CADPS: variants seen among roughly 807,000 people sequenced by gnomAD.
CADPS encodes the protein calcium dependent secretion activator.
CADPS carries 57 observed loss-of-function variants against 167.3 expected under a neutral mutation model. The ratio of observed to expected loss-of-function variants is 0.34; its 90% CI spans 0.28 to 0.42. The LOEUF (loss-of-function observed/expected upper bound fraction) is 0.42, where lower values mean the gene tolerates loss of function less well. CADPS is among the 20% of genes least tolerant of loss of function. The probability of loss-of-function intolerance (pLI) is 1.00; values close to 1 mark genes in which losing one functional copy is unlikely to be tolerated. For missense variants in CADPS, 1,414 were observed against 1,738.1 expected (o/e 0.81, Z 3.32); for synonymous variants, 676 against 635.3 (o/e 1.06, Z -0.96).
chr3:62,549,089 A>T (rs2076929771), intron 11 of CADPS, among the ~76,000 whole-genome samples: 2 of 152,240 alleles, frequency 1.3e-5, no homozygotes, highest in Admixed American at 6.5e-5. Context: ...TTATTGCTAA[A>T]AATGACTTGT....
In CADPS at chr3:62,481,636, T is replaced by C. The variant is rs1339470392; in HGVS notation, c.3173+87A>G. On this transcript the variant is annotated intron_variant, in intron 22 of 29. Transcript: ENST00000383710. ...TCTAATTATCCATCTCCATCTCTGT[T>C]ATATAGGATGTATAGAAATAAACAA... 4.1e-6 allele frequency: 5 copies of C among 1,212,642 alleles called. No homozygotes were observed. The African/African-American group carries it at 7.8e-5, about 19-fold the overall frequency. 75.1% of individuals were successfully genotyped at this position (1,212,642 alleles called of 1,614,324 possible). A position where few individuals can be genotyped will look rare whatever the true frequency, so the allele number is the denominator to read the frequency against.
intron 6 of CADPS, among the ~76,000 whole-genome samples, chr3:62,629,645 T>C (rs2064868201): frequency 1.3e-5 from 2 of 152,206 alleles, no homozygotes; most frequent in African/African-American, 4.8e-5. Flanking sequence ...GAGGGCTTCC[T>C]GTTACAGTTA....
intron 2 of CADPS, among the ~76,000 whole-genome samples, chr3:62,764,846 G>A (rs563200421): frequency 6.6e-6 from 1 of 152,272 alleles, no homozygotes; most frequent in East Asian, 1.9e-4. Context: ...GGAAATCAAT[G>A]AAACAATCCC....
At chr3:62,578,609 CAAAAAAATAAA>C (rs2082773941) in intron 8 of CADPS, among the ~76,000 whole-genome samples, 2 of 67,006 alleles carry the variant, frequency 3.0e-5, no homozygotes, top group Non-Finnish European at 5.5e-5. Context: ...GACTCCGTCT[CAAAAAAATAAA>C]AAAAAAAAAA....
intron 3 of CADPS, among the ~76,000 whole-genome samples, chr3:62,744,602 T>A (rs561817): frequency 3.3e-5 from 5 of 152,030 alleles, no homozygotes; most frequent in African/African-American, 1.2e-4. Flanking sequence ...TAGATTTTGT[T>A]GTTTGGCAAA....
intron 3 of CADPS, among the ~76,000 whole-genome samples, chr3:62,699,980 C>T (rs1215285922): frequency 6.6e-6 from 1 of 152,062 alleles, no homozygotes; most frequent in Non-Finnish European, 1.5e-5. Context: ...GCCTGCAAAG[C>T]CTCAAATATT....
At chr3:62,745,443 C>T (rs923408411) in intron 3 of CADPS, among the ~76,000 whole-genome samples, 1 of 152,290 alleles carries the variant, frequency 6.6e-6, no homozygotes, top group African/African-American at 2.4e-5. Flanking sequence ...CAAGCAAAGT[C>T]ACTTAAAACT....
At chr3:62,854,863 A>G (rs746062035) in intron 1 of CADPS, among the ~76,000 whole-genome samples, 1 of 152,126 alleles carries the variant, frequency 6.6e-6, no homozygotes, top group East Asian at 1.9e-4. Flanking sequence ...TATATTTCAT[A>G]TATTTTTATT....
Position 62,818,594 on chromosome 3 carries a change from A to G in CADPS, c.442-52610T>C, listed in dbSNP as rs554339598. Among the ~76,000 whole-genome samples, 19 of 152,334 alleles carry G rather than the reference A, an allele frequency of 1.2e-4. 1 individual carries two copies. In the South Asian group the frequency reaches 3.9e-3, roughly 32 times the overall value. On this transcript the variant is annotated intron_variant, in intron 1 of 29. Transcript: ENST00000383710. The stretch of plus-strand genomic sequence containing the variant: ...TCTCATGCATTGCTGGGAGATGTGT[A>G]AATAGCACAACCACTTTACTTTGCA...
intron 6 of CADPS, among the ~76,000 whole-genome samples, chr3:62,620,783 T>G (rs1168024254): frequency 6.6e-6 from 1 of 152,120 alleles, no homozygotes; most frequent in Non-Finnish European, 1.5e-5. Context: ...GCTCTCCCAT[T>G]AGAGCTGGCC....
chr3:62,475,289 G>T (rs1300558962), intron 23 of CADPS, among the ~76,000 whole-genome samples: 1 of 152,098 alleles, frequency 6.6e-6, no homozygotes, highest in Non-Finnish European at 1.5e-5. Context: ...AAGGTTTCAG[G>T]GAAGTGGGTG....
At chr3:62,696,927 T>C (rs1262872769) in intron 3 of CADPS, among the ~76,000 whole-genome samples, 1 of 152,038 alleles carries the variant, frequency 6.6e-6, no homozygotes, top group Non-Finnish European at 1.5e-5. Flanking sequence ...AAGGCTGACA[T>C]ATGTACAGTA....
At chr3:62,780,950 A>G (rs536029855) in intron 1 of CADPS, among the ~76,000 whole-genome samples, 1 of 152,334 alleles carries the variant, frequency 6.6e-6, no homozygotes, top group South Asian at 2.1e-4. Flanking sequence ...GTAAAGTGCT[A>G]TCCAATAAAT....
chr3:62,512,336 C>G (rs181443756), intron 17 of CADPS, among the ~76,000 whole-genome samples: 3 of 152,244 alleles, frequency 2.0e-5, no homozygotes, highest in Admixed American at 2.0e-4. Flanking sequence ...CAACTTCTCT[C>G]TGTCTTGGCT....
chr3:62,498,931 G>A (rs992636814), intron 18 of CADPS, among the ~76,000 whole-genome samples: 3 of 152,126 alleles, frequency 2.0e-5, no homozygotes, highest in Admixed American at 1.3e-4. Context: ...TTTGTTCATC[G>A]CTAGAAACAT....
At chr3:62,814,906 T>A (rs2094544955) in intron 1 of CADPS, among the ~76,000 whole-genome samples, 1 of 152,184 alleles carries the variant, frequency 6.6e-6, no homozygotes, top group South Asian at 2.1e-4. Context: ...AAACAAACTA[T>A]AACATTTTAA....
intron 6 of CADPS, among the ~76,000 whole-genome samples, chr3:62,605,517 A>C (rs1562808494): frequency 6.6e-6 from 1 of 152,166 alleles, no homozygotes; most frequent in Non-Finnish European, 1.5e-5. Context: ...CTTGCTCCCA[A>C]TTAAGTGGGA....
chr3:62,645,414 T>C (rs958626243), intron 6 of CADPS, among the ~76,000 whole-genome samples: 1 of 152,210 alleles, frequency 6.6e-6, no homozygotes, highest in East Asian at 1.9e-4. Flanking sequence ...AGTAAACTTA[T>C]ATCAAACTTT....
chr3:62,797,439 A>G (rs2093494752), intron 1 of CADPS, among the ~76,000 whole-genome samples: 1 of 152,142 alleles, frequency 6.6e-6, no homozygotes, highest in Non-Finnish European at 1.5e-5. Flanking sequence ...ACTCCACTTC[A>G]TCTCCTGTTT....
Sources: allele counts gnomAD v4.1 joint callset (sites outside exome capture counted in the v4.1 genomes callset), GRCh38; gene constraint gnomAD v4.1.1; transcripts MANE v1.5; gene names NCBI Gene and HGNC (gene_info 2026-07-23, HGNC 2026-07-21).